Variants in FGFR1 observed in about 807,000 individuals in gnomAD.
FGFR1 encodes FGFR1/PLAG1 fusion.
A neutral mutation model predicts 93.7 loss-of-function variants in FGFR1; 18 were observed. The ratio of observed to expected loss-of-function variants is 0.19; its 90% CI spans 0.13 to 0.28. The LOEUF (loss-of-function observed/expected upper bound fraction) is 0.28. Ranked by LOEUF, FGFR1 falls within the 10% of genes least tolerant of loss-of-function variation. The pLI is 1.00. For missense variants in FGFR1, 731 were observed against 1,080.4 expected (o/e 0.68, Z 4.53); for synonymous variants, 448 against 429.3 (o/e 1.04, Z -0.54).
At position 38,428,517 on chromosome 8, in the gene FGFR1, C is replaced by T. The variant is rs185739633; in HGVS notation, c.359-82G>A. 1.0e-4 allele frequency: 106 copies of T among 1,058,308 alleles called. No individual in the cohort carries two copies. The Admixed American group carries it at 1.5e-3, about 15-fold the overall frequency. The allele number at this position is 1,058,308 out of a possible 1,614,324, so 65.6% of individuals were successfully genotyped here. A position where few individuals can be genotyped will look rare whatever the true frequency, so the allele number is the denominator to read the frequency against. ...AGGCTAGTGCAGTTCCAGATGAACACGGACACCCTCCCCATGGGGATCCCA... is the reference window on the plus strand; with the variant it reads ...AGGCTAGTGCAGTTCCAGATGAACATGGACACCCTCCCCATGGGGATCCCA... On this transcript the variant is annotated intron_variant, in intron 3 of 17. Coordinates refer to ENST00000447712, the MANE Select transcript of FGFR1 (RefSeq NM_023110.3).
chr8:38,435,404 C>T (rs1824977143), intron 2 of FGFR1: 1 of 152,184 alleles, frequency 6.6e-6, no homozygotes, highest in Non-Finnish European at 1.5e-5. Flanking sequence ...TAGGAGTGCT[C>T]TTGGTGTGTG....
At chr8:38,428,318 G>A (rs571413401) in intron 4 of FGFR1, 28 bp downstream of exon 4, 56 of 1,607,226 alleles carry the variant, frequency 3.5e-5, no homozygotes, top group Admixed American at 1.3e-4. Flanking sequence ...AGACCCAAAG[G>A]GCAGTAAGAT....
At chr8:38,415,024 C>A (rs4647905) in intron 13 of FGFR1, 123 bp from the exon 14 acceptor site, 13 of 730,782 alleles carry the variant, frequency 1.8e-5, no homozygotes, top group East Asian at 1.6e-4. Context: ...TGCTCTGCCC[C>A]CCGAACCTTT....
At chr8:38,444,484 G>A (rs1159426117) in intron 2 of FGFR1, among the ~76,000 whole-genome samples, 1 of 150,868 alleles carries the variant, frequency 6.6e-6, no homozygotes, top group Admixed American at 6.6e-5. Context: ...CACCTCCCTG[G>A]CTCAAGTGAT....
intron 2 of FGFR1, among the ~76,000 whole-genome samples, chr8:38,452,143 G>A (rs1831252378): frequency 6.6e-6 from 1 of 151,706 alleles, no homozygotes; most frequent in South Asian, 2.1e-4. Context: ...TGCAGACTGA[G>A]GGGCGTTGGT....
At chr8:38,455,373 C>T (rs561239343) in intron 2 of FGFR1, among the ~76,000 whole-genome samples, 5 of 152,276 alleles carry the variant, frequency 3.3e-5, no homozygotes, top group South Asian at 2.1e-4. Flanking sequence ...CTCTGCCTCC[C>T]GGGTTCACGC....
chr8:38,452,734 T>C (rs1831478381), intron 2 of FGFR1, among the ~76,000 whole-genome samples: 1 of 152,076 alleles, frequency 6.6e-6, no homozygotes, highest in Non-Finnish European at 1.5e-5. Context: ...CCCAGCACTT[T>C]GGGAGGCCGA....
At chr8:38,450,977 A>G (rs1453166295) in intron 2 of FGFR1, among the ~76,000 whole-genome samples, 1 of 152,100 alleles carries the variant, frequency 6.6e-6, no homozygotes, top group African/African-American at 2.4e-5. Context: ...GAACACTTGC[A>G]AACACCCCTT....
Position 38,424,113 on chromosome 8 carries a change from T to C in FGFR1, c.936+396A>G, listed in dbSNP as rs1245457917. On this transcript the variant is annotated intron_variant, in intron 7 of 17. Transcript: ENST00000447712. The surrounding 1 kb of genome is among the most constrained non-coding windows in gnomAD (Gnocchi z 4.3). ...GAGATGCTCTTATCATGCACCCCAT[T>C]TGCCAGAAAGATCGTACGTAACTCA... is the stretch of plus-strand genomic sequence containing the variant. 1 of 351,222 alleles carries C rather than the reference T, an allele frequency of 2.8e-6. No individual in the cohort carries two copies. The highest frequency in any genetic ancestry group is 3.9e-5 in the Admixed American group (1 of 25,474). The allele number at this position is 351,222 out of a possible 1,614,324, so 21.8% of individuals were successfully genotyped here. A position where few individuals can be genotyped will look rare whatever the true frequency, so the allele number is the denominator to read the frequency against.
At chr8:38,457,975 T>G (rs1386606739) in intron 1 of FGFR1, among the ~76,000 whole-genome samples, 1 of 152,106 alleles carries the variant, frequency 6.6e-6, no homozygotes, top group African/African-American at 2.4e-5. Context: ...AGAGCGAGAT[T>G]CTGTCTCAAA....
At chr8:38,433,091 A>C (rs1683328544) in intron 2 of FGFR1, among the ~76,000 whole-genome samples, 1 of 152,146 alleles carries the variant, frequency 6.6e-6, no homozygotes, top group African/African-American at 2.4e-5. Context: ...CAATCCCAGC[A>C]CTTGGGGAGG....
rs956482924 is a variant in FGFR1, at chr8:38,424,375, T to G, written c.936+134A>C. On this transcript the variant is annotated intron_variant, in intron 7 of 17. Coordinates refer to ENST00000447712, the MANE Select transcript of FGFR1 (RefSeq NM_023110.3). The surrounding 1 kb of genome is among the most constrained non-coding windows in gnomAD (Gnocchi z 4.3). ...GGATGTGGCTAGATCCCTACTGAGA[T>G]GGAGTGTGTGTGCCTGAAGCGTGAG... 1.2e-5 allele frequency: 11 copies of G among 922,018 alleles called. No individual in the cohort carries two copies. The highest frequency in any genetic ancestry group is 3.3e-5 in the African/African-American group (2 of 61,454). The allele number at this position is 922,018 out of a possible 1,614,324, so 57.1% of individuals were successfully genotyped here.
At chr8:38,466,607 C>A (rs545867009) in intron 1 of FGFR1, 33 of 229,874 alleles carry the variant, frequency 1.4e-4, no homozygotes, top group Non-Finnish European at 2.5e-4. Flanking sequence ...TTCTTTTCTC[C>A]CCCGAATCTC....
At chr8:38,417,126 T>C (rs570044216) in intron 12 of FGFR1, among the ~76,000 whole-genome samples, 180 bp downstream of exon 12, 54 of 152,356 alleles carry the variant, frequency 3.5e-4, no homozygotes, top group African/African-American at 1.3e-3. Flanking sequence ...GGTATCTGTA[T>C]TCCTGAATGA....
At position 38,412,829 on chromosome 8, in the gene FGFR1, CT is replaced by C. The variant is rs1031066016; in HGVS notation, c.*798del. Reference sequence around the variant, plus strand: ...GCAAAAGTAGCAAAAAATATATGACCTTTTTAAAAACATTTTCCTTTTTTTT... The same window carrying C: ...GCAAAAGTAGCAAAAAATATATGACCTTTTAAAAACATTTTCCTTTTTTTT... On this transcript the variant is annotated 3_prime_UTR_variant, in exon 18 of 18. Coordinates refer to ENST00000447712, the MANE Select transcript of FGFR1 (RefSeq NM_023110.3). 4 of 233,352 alleles carry C rather than the reference CT, an allele frequency of 1.7e-5. No individual in the cohort carries two copies. Among genetic ancestry groups the C allele is most frequent in the Non-Finnish European group, 3.4e-5 (4 of 117,990 alleles). The allele number at this position is 233,352 out of a possible 1,614,324, so 14.5% of individuals were successfully genotyped here.
At chr8:38,416,139 CAG>C (rs1816494251) in intron 12 of FGFR1, 79 bp from the exon 13 acceptor site, 1 of 1,289,976 alleles carries the variant, frequency 7.8e-7, no homozygotes, top group Non-Finnish European at 1.1e-6. Flanking sequence ...ACCCCACCCC[CAG>C]CAGCACACCC....
At chr8:38,425,799 T>C (rs1197473034) in intron 6 of FGFR1, among the ~76,000 whole-genome samples, 2 of 152,232 alleles carry the variant, frequency 1.3e-5, no homozygotes, top group African/African-American at 2.4e-5. Context: ...GCCTGGCATC[T>C]TGCTAGCATT....
At chr8:38,418,941 C>A (rs895847170) in intron 9 of FGFR1, among the ~76,000 whole-genome samples, 3 of 152,132 alleles carry the variant, frequency 2.0e-5, no homozygotes, top group Non-Finnish European at 4.4e-5. Flanking sequence ...CTCATGGGGG[C>A]AGGTCTTCCC....
chr8:38,432,846 T>C (rs1823677881), intron 2 of FGFR1, among the ~76,000 whole-genome samples: 2 of 151,764 alleles, frequency 1.3e-5, no homozygotes, highest in African/African-American at 2.4e-5. Context: ...CTCCCTGCAA[T>C]TGGCTTCCAC....
Sources: allele counts gnomAD v4.1 joint callset (sites outside exome capture counted in the v4.1 genomes callset), GRCh38; gene constraint gnomAD v4.1.1; non-coding constraint Gnocchi (gnomAD v3.1); transcripts MANE v1.5; gene names NCBI Gene and HGNC (gene_info 2026-07-23, HGNC 2026-07-21).